EBF1: variants seen among roughly 807,000 people sequenced by gnomAD.
The protein encoded by EBF1 is EBF transcription factor 1, also known as transcription factor COE1.
EBF1 carries 10 observed loss-of-function variants against 68.4 expected under a neutral mutation model. That is an observed-to-expected ratio of 0.15 (90% CI 0.09 to 0.25). The LOEUF is 0.25. Ranked by LOEUF, EBF1 falls within the 10% of genes least tolerant of loss-of-function variation. The pLI is 1.00. For synonymous variants in EBF1, 298 were observed against 299.8 expected (o/e 0.99, Z 0.06); for missense variants, 509 against 794.4 (o/e 0.64, Z 4.32).
At chr5:159,012,211 C>T (rs1202035503) in intron 6 of EBF1, among the ~76,000 whole-genome samples, 2 of 151,786 alleles carry the variant, frequency 1.3e-5, no homozygotes, top group East Asian at 1.9e-4. Flanking sequence ...GGCTTGAACC[C>T]AGGAGGCGGA....
chr5:158,783,473 G>A (rs1248345137), intron 9 of EBF1, among the ~76,000 whole-genome samples: 2 of 152,124 alleles, frequency 1.3e-5, no homozygotes, highest in Non-Finnish European at 2.9e-5. Flanking sequence ...CAATAAAAAT[G>A]CATTAATACT....
At chr5:158,851,616 GGA>G (rs1792747057) in intron 6 of EBF1, among the ~76,000 whole-genome samples, 1 of 69,752 alleles carries the variant, frequency 1.4e-5, no homozygotes, top group African/African-American at 6.0e-5. Context: ...GGGAAGGGAA[GGA>G]AAGGGCAGGG....
At chr5:159,061,302 G>T (rs946453712) in intron 6 of EBF1, among the ~76,000 whole-genome samples, 1 of 151,908 alleles carries the variant, frequency 6.6e-6, no homozygotes, top group Non-Finnish European at 1.5e-5. Flanking sequence ...TTCTCATTTT[G>T]AAACAACCGG....
chr5:159,047,160 C>A (rs891805803), intron 6 of EBF1, among the ~76,000 whole-genome samples: 86 of 152,306 alleles, frequency 5.6e-4, no homozygotes, highest in African/African-American at 2.0e-3. Flanking sequence ...ACTGACCCAG[C>A]TGGGGAGTGA....
chr5:158,768,663 T>C (rs1013621214), intron 10 of EBF1, among the ~76,000 whole-genome samples: 11 of 152,108 alleles, frequency 7.2e-5, no homozygotes, highest in Non-Finnish European at 1.2e-4. Context: ...ACTTTAACAA[T>C]GAACAGGACT....
intron 10 of EBF1, among the ~76,000 whole-genome samples, chr5:158,758,775 G>T (rs527330348): frequency 3.3e-5 from 5 of 152,110 alleles, no homozygotes; most frequent in Non-Finnish European, 7.4e-5. Context: ...ACATGGCGTG[G>T]TTATTCTTTT....
intron 6 of EBF1, among the ~76,000 whole-genome samples, chr5:159,002,876 T>C (rs1003334884): frequency 2.0e-5 from 3 of 151,814 alleles, no homozygotes; most frequent in African/African-American, 7.3e-5. Context: ...AGCAATAGAG[T>C]GGATGGAGAG....
At chr5:158,993,943 A>G (rs1335911116) in intron 6 of EBF1, among the ~76,000 whole-genome samples, 1 of 152,238 alleles carries the variant, frequency 6.6e-6, no homozygotes, top group Non-Finnish European at 1.5e-5. Flanking sequence ...GCAGGCAGAC[A>G]AGGAATTTGC....
rs148200733 is a variant in EBF1 at position 158,702,058 on chromosome 5, G to A, written c.1745-2916C>T. On this transcript the variant is annotated intron_variant, in intron 15 of 15. Coordinates refer to ENST00000313708, the MANE Select transcript of EBF1 (RefSeq NM_024007.5). ...TTGCATGTAATATCAAAGCATTACT[G>A]TTCTCTAAATCCCAATCATGACTTC... is the stretch of plus-strand genomic sequence containing the variant. Among the ~76,000 whole-genome samples, 296 of 152,252 alleles carry A rather than the reference G, an allele frequency of 1.9e-3. 2 individuals are homozygous for A. Among genetic ancestry groups the A allele is most frequent in the African/African-American group, 6.9e-3 (288 of 41,540 alleles).
chr5:158,862,275 G>C (rs965138803), intron 6 of EBF1, among the ~76,000 whole-genome samples: 1 of 152,098 alleles, frequency 6.6e-6, no homozygotes, highest in South Asian at 2.1e-4. Flanking sequence ...AGTAGGCTGG[G>C]AAAACTTCAA....
intron 9 of EBF1, among the ~76,000 whole-genome samples, chr5:158,781,330 T>G (rs1292000176): frequency 6.6e-6 from 1 of 152,210 alleles, no homozygotes; most frequent in East Asian, 1.9e-4. Flanking sequence ...TTCTGTCAAC[T>G]TGTTAGTTGT....
intron 9 of EBF1, among the ~76,000 whole-genome samples, chr5:158,787,212 AT>A (rs1275937332): frequency 6.6e-6 from 1 of 152,182 alleles, no homozygotes; most frequent in African/African-American, 2.4e-5. Flanking sequence ...ACTAAATATA[AT>A]TGCCAGCTCT....
At chr5:158,840,414 A>G (rs1027887792) in intron 6 of EBF1, among the ~76,000 whole-genome samples, 8 of 152,154 alleles carry the variant, frequency 5.3e-5, no homozygotes, top group Non-Finnish European at 1.0e-4. Flanking sequence ...TTAGGTTCCA[A>G]TTGGATATAA....
intron 6 of EBF1, among the ~76,000 whole-genome samples, chr5:159,069,646 T>C (rs1234122170): frequency 6.6e-6 from 1 of 152,190 alleles, no homozygotes; most frequent in Non-Finnish European, 1.5e-5. Flanking sequence ...GATTTTTTAA[T>C]AGATGCAGAA....
rs78303401 is a variant in EBF1 at position 158,932,012 on chromosome 5, T to C, written c.555-91902A>G. ...ATAAAATGGCAAAGATGTCAAGTAA[T>C]GATAGCACTCAGCACCAGTATGGAT... On this transcript the variant is annotated intron_variant, in intron 6 of 15. Transcript: ENST00000313708. Among the ~76,000 whole-genome samples the C allele has an allele frequency of 6.6e-3, 999 of 152,304 alleles. 4 individuals are homozygous for C. The highest frequency in any genetic ancestry group is 1.0e-2 in the African/African-American group (415 of 41,568).
At chr5:159,051,518 C>A (rs1773737630) in intron 6 of EBF1, among the ~76,000 whole-genome samples, 1 of 148,954 alleles carries the variant, frequency 6.7e-6, no homozygotes. Context: ...TGGCGACAAA[C>A]TGGAGCCGGG....
intron 6 of EBF1, among the ~76,000 whole-genome samples, chr5:158,889,868 G>A (rs1011328456): frequency 7.9e-5 from 12 of 152,020 alleles, no homozygotes; most frequent in African/African-American, 2.7e-4. Flanking sequence ...ACAATGATAC[G>A]AAAATAAAAT....
At chr5:158,914,149 G>C (rs1023876307) in intron 6 of EBF1, among the ~76,000 whole-genome samples, 1 of 152,152 alleles carries the variant, frequency 6.6e-6, no homozygotes, top group Admixed American at 6.5e-5. Flanking sequence ...ACACCAGCTT[G>C]TTAACCTTCA....
intron 6 of EBF1, among the ~76,000 whole-genome samples, chr5:159,054,499 T>C (rs147512095): frequency 6.6e-6 from 1 of 152,288 alleles, no homozygotes; most frequent in African/African-American, 2.4e-5. Flanking sequence ...TAGAAAAAAA[T>C]TTTTTTCAAG....
Sources: allele counts gnomAD v4.1 joint callset (sites outside exome capture counted in the v4.1 genomes callset), GRCh38; gene constraint gnomAD v4.1.1; transcripts MANE v1.5; gene names NCBI Gene and HGNC (gene_info 2026-07-23, HGNC 2026-07-21).